The following PDZRN4 variants were observed in gnomAD, a reference collection of about 807,000 sequenced individuals.
PDZRN4 encodes PDZ domain containing ring finger 4, also known as PDZ domain-containing RING finger protein 4.
Under a neutral mutation model 99.0 loss-of-function variants are expected in PDZRN4, and 70 were observed. That is an observed-to-expected ratio of 0.71 (90% CI 0.58 to 0.86). The LOEUF (loss-of-function observed/expected upper bound fraction) is 0.86. PDZRN4 is among the 40% of genes least tolerant of loss of function. The probability of loss-of-function intolerance (pLI) is 0.00; values close to 1 mark genes in which losing one functional copy is unlikely to be tolerated. For synonymous variants in PDZRN4, 551 were observed against 501.6 expected, an observed-to-expected ratio of 1.10 and a Z score of -1.32; for missense variants, 1,474 against 1,331.2, an observed-to-expected ratio of 1.11 and a Z score of -1.67.
chr12:41,256,339 T>C (rs1376456125), intron 3 of PDZRN4, among the ~76,000 whole-genome samples: 1 of 152,140 alleles, frequency 6.6e-6, no homozygotes, highest in Non-Finnish European at 1.5e-5. Context: ...AAAGAAAATA[T>C]TTAAGATTGT....
intron 3 of PDZRN4, among the ~76,000 whole-genome samples, chr12:41,333,720 C>T (rs1853783607): frequency 6.6e-6 from 1 of 152,096 alleles, no homozygotes; most frequent in Admixed American, 6.6e-5. Context: ...TTCCTCAGTT[C>T]TCATAGACTA....
Position 41,253,639 on chromosome 12 carries a change from G to T in PDZRN4, c.843+59451G>T, listed in dbSNP as rs576352626. ...TATGATCCAGCAATTTCACTACTGG[G>T]CATATGGCCAAAAAGATGAAATTCA... On this transcript the variant is annotated intron_variant, in intron 3 of 9. Transcript: ENST00000402685. 1.1e-4 allele frequency among the ~76,000 whole-genome samples: 16 copies of T among 152,176 alleles called. No homozygotes were observed. The South Asian group carries it at 3.1e-3, about 30-fold the overall frequency.
chr12:41,527,816 G>A (rs540226858), intron 5 of PDZRN4, among the ~76,000 whole-genome samples: 91 of 152,304 alleles, frequency 6.0e-4, no homozygotes, highest in Admixed American at 1.7e-3. Flanking sequence ...ACAGCTGCCA[G>A]CATTTGCAGC....
chr12:41,276,292 C>A (rs1951349391), intron 3 of PDZRN4, among the ~76,000 whole-genome samples: 1 of 151,968 alleles, frequency 6.6e-6, no homozygotes, highest in African/African-American at 2.4e-5. Flanking sequence ...GGACCTAATA[C>A]AAGAAAGCAG....
At position 41,261,274 on chromosome 12, in the gene PDZRN4, T is replaced by C. The variant is rs1034567425; in HGVS notation, c.843+67086T>C. ...GAATATTTGTGAAGAATGTAAACTGTAGTATTTAGTAGGAGGCAGTTACAA... is the reference window on the plus strand; with the variant it reads ...GAATATTTGTGAAGAATGTAAACTGCAGTATTTAGTAGGAGGCAGTTACAA... On this transcript the variant is annotated intron_variant, in intron 3 of 9. Coordinates refer to ENST00000402685, the MANE Select transcript of PDZRN4 (RefSeq NM_001164595.2). 3.3e-5 allele frequency among the ~76,000 whole-genome samples: 5 copies of C among 152,144 alleles called. No homozygotes were observed. The South Asian group carries it at 6.2e-4, about 19-fold the overall frequency.
intron 3 of PDZRN4, among the ~76,000 whole-genome samples, chr12:41,375,327 C>T (rs1952071433): frequency 6.6e-6 from 1 of 152,108 alleles, no homozygotes; most frequent in African/African-American, 2.4e-5. Flanking sequence ...CAACTTATGA[C>T]AAGGATGAGC....
At chr12:41,273,341 A>G (rs1951328079) in intron 3 of PDZRN4, among the ~76,000 whole-genome samples, 1 of 152,092 alleles carries the variant, frequency 6.6e-6, no homozygotes, top group Non-Finnish European at 1.5e-5. Flanking sequence ...CGCAAGAATG[A>G]TCAAACCTGG....
intron 3 of PDZRN4, among the ~76,000 whole-genome samples, chr12:41,466,938 G>A (rs1384096119): frequency 2.0e-5 from 3 of 152,136 alleles, no homozygotes; most frequent in East Asian, 1.9e-4. Flanking sequence ...CCCAGTGCAC[G>A]CTGCTTCGCC....
In PDZRN4 at chr12:41,561,193, T is replaced by C. The variant is rs557683884; in HGVS notation, c.1366-2355T>C. Among the ~76,000 whole-genome samples, 10 of 152,328 alleles carry C rather than the reference T, an allele frequency of 6.6e-5. No individual in the cohort carries two copies. The East Asian group carries it at 1.9e-3, about 29-fold the overall frequency. ...GAGTTAGAAATACATATGAGGTAGATATCTTTTAAAATAAAACCATGTTTA... is the reference window on the plus strand; with the variant it reads ...GAGTTAGAAATACATATGAGGTAGACATCTTTTAAAATAAAACCATGTTTA... On this transcript the variant is annotated intron_variant, in intron 7 of 9. Transcript: ENST00000402685.
At chr12:41,329,340 C>T (rs981966777) in intron 3 of PDZRN4, among the ~76,000 whole-genome samples, 1 of 152,094 alleles carries the variant, frequency 6.6e-6, no homozygotes, top group Non-Finnish European at 1.5e-5. Flanking sequence ...AATACCTACA[C>T]ATTCTAAGCT....
intron 3 of PDZRN4, among the ~76,000 whole-genome samples, chr12:41,315,887 T>C (rs1951635220): frequency 6.6e-6 from 1 of 152,060 alleles, no homozygotes; most frequent in African/African-American, 2.4e-5. Context: ...AAATCAAAGC[T>C]CCATTCTCCA....
chr12:41,327,198 T>G (rs1951715116), intron 3 of PDZRN4, among the ~76,000 whole-genome samples: 1 of 152,204 alleles, frequency 6.6e-6, no homozygotes, highest in Non-Finnish European at 1.5e-5. Flanking sequence ...GCCATTATTT[T>G]TTTTATTTCT....
intron 3 of PDZRN4, among the ~76,000 whole-genome samples, chr12:41,484,821 G>T (rs910341262): frequency 6.6e-6 from 1 of 152,218 alleles, no homozygotes; most frequent in South Asian, 2.1e-4. Context: ...GCATGTTGAC[G>T]TTTTCCCTCA....
At chr12:41,199,231 T>A (rs1950798659) in intron 3 of PDZRN4, among the ~76,000 whole-genome samples, 2 of 152,172 alleles carry the variant, frequency 1.3e-5, no homozygotes, top group African/African-American at 4.8e-5. Flanking sequence ...AGTTAGTTTT[T>A]TGACAAATTT....
intron 7 of PDZRN4, among the ~76,000 whole-genome samples, chr12:41,558,117 A>G (rs994086013): frequency 6.6e-6 from 1 of 152,220 alleles, no homozygotes; most frequent in Non-Finnish European, 1.5e-5. Flanking sequence ...TATTTTTTAA[A>G]TTTTGAAATA....
rs573950159 is a variant in PDZRN4, at chr12:41,539,066, A to G, written c.1204-13590A>G. Among the ~76,000 whole-genome samples the G allele has an allele frequency of 1.3e-3, 203 of 152,152 alleles. 6 individuals carry two copies. The South Asian group carries it at 0.042, about 31-fold the overall frequency. ...AATCAAACTTAGAAGGTATGTGCAC[A>G]TGCAATTATGCCAATAAGTGATATA... On this transcript the variant is annotated intron_variant, in intron 5 of 9. Transcript: ENST00000402685.
At chr12:41,310,399 C>A (rs925290423) in intron 3 of PDZRN4, among the ~76,000 whole-genome samples, 7 of 152,090 alleles carry the variant, frequency 4.6e-5, no homozygotes, top group Non-Finnish European at 1.0e-4. Flanking sequence ...AAGATCATAT[C>A]TCACTCTTAA....
chr12:41,477,941 A>C (rs1937619970), intron 3 of PDZRN4: 1 of 1,405,398 alleles, frequency 7.1e-7, no homozygotes, highest in Non-Finnish European at 9.8e-7. Context: ...CATTAAATTT[A>C]TTTCATCATA....
chr12:41,294,485 G>T (rs1316966218), intron 3 of PDZRN4, among the ~76,000 whole-genome samples: 1 of 152,114 alleles, frequency 6.6e-6, no homozygotes, highest in East Asian at 1.9e-4. Context: ...TGTGAAAACT[G>T]CGAGGACTTT....
Sources: gnomAD v4.1 joint callset for allele counts (sites outside exome capture counted in the v4.1 genomes callset) on GRCh38, gnomAD v4.1.1 for gene constraint, MANE v1.5 for transcripts, NCBI Gene and HGNC (gene_info 2026-07-23, HGNC 2026-07-21) for gene names.